The following MACF1 variants were observed in gnomAD, a reference collection of about 807,000 sequenced individuals.
The protein encoded by MACF1 is microtubule actin crosslinking factor 1, also known as microtubule-actin cross-linking factor 1.
Under a neutral mutation model 854.8 loss-of-function variants are expected in MACF1, and 193 were observed. The observed-to-expected ratio is 0.23, with a 90% confidence interval of 0.20 to 0.25. MACF1 has a LOEUF of 0.25. MACF1 is among the 10% of genes least tolerant of loss of function. The pLI is 1.00. For synonymous variants in MACF1, 3,185 were observed against 3,226.7 expected (o/e 0.99, Z 0.44); for missense variants, 7,722 against 8,929.1 (o/e 0.86, Z 5.45).
Position 39,310,303 on chromosome 1 carries a change from A to C in MACF1, c.2975A>C (p.Tyr992Ser), listed in dbSNP as rs1001677976. 1.1e-5 allele frequency: 18 copies of C among 1,613,990 alleles called. No individual in the cohort carries two copies. Among genetic ancestry groups the C allele is most frequent in the Middle Eastern group, 1.6e-4 (1 of 6,084 alleles). ...HQIMKNLQAH[Y>S]EDFLQDSRDS... ...ATTATGAAGAACCTTCAGGCCCACT[A>C]TGAAGACTTTCTGCAGGATAGTCGT... The change falls in exon 25 of 101, where the codon TAT becomes TCT. Residue 992 changes from tyrosine (Y) to serine (S), a missense_variant. Coordinates refer to ENST00000564288, the MANE Select transcript of MACF1 (RefSeq NM_001394062.1).
chr1:39,095,688 C>A (rs1353064121), intron 2 of MACF1, among the ~76,000 whole-genome samples: 1 of 151,354 alleles, frequency 6.6e-6, no homozygotes, highest in African/African-American at 2.4e-5. Context: ...CAAGACCAGC[C>A]TGAGCAACAT....
intron 20 of MACF1, among the ~76,000 whole-genome samples, chr1:39,297,343 C>G (rs555702301): frequency 2.0e-5 from 3 of 152,246 alleles, no homozygotes; most frequent in African/African-American, 7.2e-5. Flanking sequence ...TGTACCTAGC[C>G]AGAAGTCAAG....
At chr1:39,327,114 G>C in intron 35 of MACF1, 104 bp from the exon 36 acceptor site, 1 of 1,100,830 alleles carries the variant, frequency 9.1e-7, no homozygotes, top group Non-Finnish European at 1.3e-6. Flanking sequence ...TATGGAAGAA[G>C]ATCATCCATC....
chr1:39,329,386 A>G (rs550530545), intron 36 of MACF1, among the ~76,000 whole-genome samples: 1 of 152,326 alleles, frequency 6.6e-6, no homozygotes, highest in African/African-American at 2.4e-5. Context: ...AAATGGCTTA[A>G]TGATTTTAAG....
chr1:39,124,846 T>A (rs1406094381), intron 2 of MACF1, among the ~76,000 whole-genome samples: 1 of 152,238 alleles, frequency 6.6e-6, no homozygotes, highest in Non-Finnish European at 1.5e-5. Context: ...ACAAACAGGT[T>A]AAGTGACTTG....
intron 36 of MACF1, among the ~76,000 whole-genome samples, chr1:39,329,939 A>G (rs879439244): frequency 6.6e-6 from 1 of 152,206 alleles, no homozygotes; most frequent in Admixed American, 6.5e-5. Context: ...GGGAGGACAA[A>G]CAAGATTTAG....
chr1:39,452,215 C>T lies in MACF1; in HGVS notation c.20478C>T (p.Gly6826=). 6.2e-7 allele frequency: 1 copy of T among 1,614,136 alleles called. No individual in the cohort carries two copies. The highest frequency in any genetic ancestry group is 1.1e-5 in the South Asian group (1 of 91,076). ...CCGTTCAGGTCCTGAAGCGGTCAGG[C>T]CGAGAGCTGATTGAGAATAGTCGAG... ...TGTVQVLKRS[G]RELIENSRDD... Residue 6826 remains glycine, a synonymous_variant, in exon 86 of 101, where the codon GGC becomes GGT. Coordinates refer to ENST00000564288, the MANE Select transcript of MACF1 (RefSeq NM_001394062.1).
chr1:39,287,337 C>A lies in MACF1; in HGVS notation c.1560C>A (p.Asn520Lys). ...TCACCTTGCGTCTAGAGTGTACAAA[C>A]CTGTACCGGAAGGGTCATTTCACTT... ...ELVTLRLECT[N>K]LYRKGHFTSL... Residue 520 changes from asparagine (N) to lysine (K), a missense_variant, in exon 15 of 101, where the codon AAC becomes AAA. Physicochemically the swap from Asn to Lys is moderately conservative, Grantham distance 94 (BLOSUM62 0). This residue lies in a region of MACF1 where 1,137 missense variants were observed against 1,263.0 expected (regional missense o/e 0.90). Transcript: ENST00000564288. 3 of 1,614,150 alleles carry A rather than the reference C, an allele frequency of 1.9e-6. No homozygotes were observed. Among genetic ancestry groups the A allele is most frequent in the East Asian group, 2.2e-5 (1 of 44,888 alleles).
At chr1:39,475,497 G>A (rs1267810023) in intron 97 of MACF1, among the ~76,000 whole-genome samples, 1 of 149,024 alleles carries the variant, frequency 6.7e-6, no homozygotes, top group Non-Finnish European at 1.5e-5. Context: ...GCATTCTGCA[G>A]AATGAGAAAA....
intron 31 of MACF1, among the ~76,000 whole-genome samples, chr1:39,321,163 T>C (rs1646508692): frequency 6.6e-6 from 1 of 152,216 alleles, no homozygotes; most frequent in Non-Finnish European, 1.5e-5. Context: ...TTTCCTTTAG[T>C]TAATAACAGA....
At position 39,084,202 on chromosome 1, in the gene MACF1, C is replaced by T; in HGVS notation, c.-17C>T. On this transcript the variant is annotated 5_prime_UTR_variant, in exon 2 of 94. Coordinates refer to the MACF1 transcript ENST00000361689. The surrounding 1 kb of genome is among the most constrained non-coding windows in gnomAD (Gnocchi z 5.2). ...CCTGGGCTCCCAGGCCCTCCTGCAGCAGCCCCCGCCTGGGCCATGTCTTCC... is the reference window on the plus strand; with the variant it reads ...CCTGGGCTCCCAGGCCCTCCTGCAGTAGCCCCCGCCTGGGCCATGTCTTCC... 3 of 1,609,206 alleles carry T rather than the reference C, an allele frequency of 1.9e-6. No homozygotes were observed. The highest frequency in any genetic ancestry group is 2.2e-5 in the East Asian group (1 of 44,866).
intron 61 of MACF1, among the ~76,000 whole-genome samples, chr1:39,424,998 G>T (rs966285406): frequency 9.2e-5 from 14 of 152,120 alleles, no homozygotes; most frequent in Admixed American, 3.3e-4. Context: ...AGTATGGCTT[G>T]CCTATGTTAG....
intron 6 of MACF1, among the ~76,000 whole-genome samples, chr1:39,262,165 G>T (rs1329926972): frequency 6.6e-6 from 1 of 152,062 alleles, no homozygotes; most frequent in African/African-American, 2.4e-5. Context: ...ACTTCGGGAG[G>T]CCTAGGTGGG....
At chr1:39,485,332 T>TA in intron 100 of MACF1, 1 of 594,330 alleles carries the variant, frequency 1.7e-6, no homozygotes, top group East Asian at 3.0e-5. Context: ...AGAGTGGCTT[T>TA]CTAATCCCCA....
At chr1:39,223,532 A>G (rs1359247766) in intron 1 of MACF1, among the ~76,000 whole-genome samples, 5 of 147,994 alleles carry the variant, frequency 3.4e-5, no homozygotes, top group African/African-American at 1.3e-4. Context: ...TTTTTTTTTT[A>G]AGACAGAATC....
intron 2 of MACF1, among the ~76,000 whole-genome samples, chr1:39,196,265 C>G (rs537203455): frequency 4.6e-5 from 7 of 152,240 alleles, no homozygotes; most frequent in Admixed American, 6.5e-5. Context: ...TCTATGTATA[C>G]GGAGCAATAA....
chr1:39,444,494 T>C (rs1326159921), intron 79 of MACF1, among the ~76,000 whole-genome samples, 168 bp from the exon 80 acceptor site: 1 of 152,208 alleles, frequency 6.6e-6, no homozygotes, highest in African/African-American at 2.4e-5. Flanking sequence ...TTATTAAGTA[T>C]GGTGGGTTTC....
At chr1:39,254,459 TAAG>T in intron 5 of MACF1, 84 bp downstream of exon 5, 1 of 1,197,584 alleles carries the variant, frequency 8.4e-7, no homozygotes, top group Non-Finnish European at 1.2e-6. Flanking sequence ...GTGCCCCTAG[TAAG>T]CTCTCAGTAA....
At chr1:39,436,357 C>T in intron 70 of MACF1, 4 of 958,772 alleles carry the variant, frequency 4.2e-6, no homozygotes, top group Non-Finnish European at 5.0e-6. Context: ...AAGTTTCTCC[C>T]CCCACCTTCC....
Sources: gnomAD v4.1 joint callset for allele counts (sites outside exome capture counted in the v4.1 genomes callset) on GRCh38, gnomAD v4.1.1 for gene constraint, gnomAD v4.1.1 regional missense constraint, Gnocchi (gnomAD v3.1) non-coding constraint, MANE v1.5 for transcripts, NCBI Gene and HGNC (gene_info 2026-07-23, HGNC 2026-07-21) for gene names.